The following ZSWIM5 variants were observed in gnomAD, a reference collection of about 807,000 sequenced individuals.
ZSWIM5 encodes zinc finger SWIM domain-containing protein 5.
ZSWIM5 carries 55 observed loss-of-function variants against 119.6 expected under a neutral mutation model. The observed-to-expected ratio is 0.46, with a 90% confidence interval of 0.37 to 0.58. The LOEUF (loss-of-function observed/expected upper bound fraction) is 0.58. ZSWIM5 is among the 20% of genes least tolerant of loss of function. The probability of loss-of-function intolerance (pLI) is 0.00; values close to 1 mark genes in which losing one functional copy is unlikely to be tolerated. For synonymous variants in ZSWIM5, 537 were observed against 606.9 expected (o/e 0.88, Z 1.69); for missense variants, 1,193 against 1,512.8 (o/e 0.79, Z 3.51).
chr1:45,058,237 G>T (rs772123350), intron 4 of ZSWIM5, among the ~76,000 whole-genome samples: 1 of 152,182 alleles, frequency 6.6e-6, no homozygotes, highest in Non-Finnish European at 1.5e-5. Context: ...ACTGCCCTAC[G>T]TCTTAAAGGT....
intron 1 of ZSWIM5, among the ~76,000 whole-genome samples, chr1:45,104,616 A>G (rs893016905): frequency 6.6e-6 from 1 of 152,232 alleles, no homozygotes; most frequent in Admixed American, 6.5e-5. Flanking sequence ...AGTGAGGAGC[A>G]GTATTGTTAT....
chr1:45,052,605 C>A (rs906618695), intron 4 of ZSWIM5, among the ~76,000 whole-genome samples: 1 of 151,520 alleles, frequency 6.6e-6, no homozygotes, highest in Non-Finnish European at 1.5e-5. Flanking sequence ...CCCTGTCTCT[C>A]CCAAAAATAC....
chr1:45,103,016 C>T (rs1190053587), intron 1 of ZSWIM5, among the ~76,000 whole-genome samples: 1 of 152,006 alleles, frequency 6.6e-6, no homozygotes, highest in African/African-American at 2.4e-5. Context: ...CATGCGCCAC[C>T]AATACCTGGC....
At chr1:45,054,750 T>C (rs1374872959) in intron 4 of ZSWIM5, among the ~76,000 whole-genome samples, 2 of 152,182 alleles carry the variant, frequency 1.3e-5, no homozygotes, top group African/African-American at 4.8e-5. Flanking sequence ...CTTTATCTCA[T>C]TCAGTCCTCT....
chr1:45,181,382 G>A (rs1293618974), intron 1 of ZSWIM5, among the ~76,000 whole-genome samples: 2 of 151,898 alleles, frequency 1.3e-5, no homozygotes, highest in African/African-American at 4.8e-5. Flanking sequence ...GAAGTTTAGA[G>A]AAAAAAGAAT....
intron 1 of ZSWIM5, among the ~76,000 whole-genome samples, chr1:45,194,711 A>G (rs1646112015): frequency 6.6e-6 from 1 of 152,068 alleles, no homozygotes; most frequent in Non-Finnish European, 1.5e-5. Flanking sequence ...CCCTGTTTCT[A>G]CTAAAAATAC....
intron 1 of ZSWIM5, among the ~76,000 whole-genome samples, chr1:45,105,323 C>A (rs1285386547): frequency 1.3e-5 from 2 of 152,260 alleles, no homozygotes; most frequent in Non-Finnish European, 2.9e-5. Flanking sequence ...CAGCCGCCTG[C>A]CTTGGCCTCC....
At chr1:45,036,569 G>A (rs1258422166) in intron 8 of ZSWIM5, among the ~76,000 whole-genome samples, 1 of 151,886 alleles carries the variant, frequency 6.6e-6, no homozygotes, top group Non-Finnish European at 1.5e-5. Context: ...TGGCCAGGCT[G>A]GACTCAAACT....
chr1:45,121,551 C>T (rs1645591905), intron 1 of ZSWIM5, among the ~76,000 whole-genome samples: 1 of 151,962 alleles, frequency 6.6e-6, no homozygotes, highest in African/African-American at 2.4e-5. Context: ...TCACCCCAAA[C>T]CTCTTTCTTT....
At chr1:45,065,670 C>T (rs1032105001) in intron 2 of ZSWIM5, among the ~76,000 whole-genome samples, 1 of 151,966 alleles carries the variant, frequency 6.6e-6, no homozygotes, top group African/African-American at 2.4e-5. Context: ...GTTTGCTGGC[C>T]TACAATGGAC....
intron 2 of ZSWIM5, among the ~76,000 whole-genome samples, chr1:45,074,073 G>A (rs1645241350): frequency 6.6e-6 from 1 of 151,820 alleles, no homozygotes; most frequent in South Asian, 2.1e-4. Context: ...TGCATCTCAG[G>A]GATAAATCCC....
At chr1:45,192,785 T>C (rs1433858315) in intron 1 of ZSWIM5, among the ~76,000 whole-genome samples, 4 of 152,206 alleles carry the variant, frequency 2.6e-5, no homozygotes, top group Admixed American at 2.6e-4. Flanking sequence ...TGGTTCCAAC[T>C]TCTCCACATC....
intron 5 of ZSWIM5, among the ~76,000 whole-genome samples, chr1:45,048,033 GTTTC>G (rs139548010): frequency 0.064 from 8,198 of 127,986 alleles, 391 homozygotes; most frequent in Non-Finnish European, 0.084. Flanking sequence ...TATTATGGTT[GTTTC>G]TTTCTTTCTT....
rs1383205382 is a variant in ZSWIM5, at chr1:45,180,499, G to T, written c.595+25257C>A. On this transcript the variant is annotated intron_variant, in intron 1 of 13. Transcript: ENST00000359600. ...TGCCTCTGTAGGCTCCACCTCTGGG[G>T]GCAGGGCACAGACAAACAAAAAGAC... Among the ~76,000 whole-genome samples, 3 of 152,162 alleles carry T rather than the reference G, an allele frequency of 2.0e-5. 1 individual carries two copies. Among genetic ancestry groups the T allele is most frequent in the Non-Finnish European group, 2.9e-5 (2 of 68,002 alleles).
intron 6 of ZSWIM5, 97 bp downstream of exon 6, chr1:45,043,122 T>C (rs1645025883): frequency 1.6e-6 from 2 of 1,231,018 alleles, no homozygotes; most frequent in Non-Finnish European, 2.3e-6. Context: ...ACTGTCCAAA[T>C]TGTAGTTTGA....
chr1:45,043,013 T>C (rs1349098056), intron 6 of ZSWIM5, among the ~76,000 whole-genome samples: 1 of 152,192 alleles, frequency 6.6e-6, no homozygotes, highest in Non-Finnish European at 1.5e-5. Context: ...GGATGCAAAT[T>C]CTTATTTGAG....
intron 1 of ZSWIM5, among the ~76,000 whole-genome samples, chr1:45,093,728 C>A (rs904203482): frequency 6.6e-6 from 1 of 152,132 alleles, no homozygotes; most frequent in Non-Finnish European, 1.5e-5. Flanking sequence ...TCTGATTACT[C>A]CTGAGAATAA....
intron 11 of ZSWIM5, among the ~76,000 whole-genome samples, chr1:45,024,024 C>G (rs956589243): frequency 2.6e-5 from 4 of 152,082 alleles, no homozygotes; most frequent in African/African-American, 7.2e-5. Flanking sequence ...TGAGGTGTCT[C>G]TCCAGATCTT....
chr1:45,117,325 C>A lies in ZSWIM5; in HGVS notation c.596-29088G>T, dbSNP rs554966046. On this transcript the variant is annotated intron_variant, in intron 1 of 13. Transcript: ENST00000359600. ...ATCAGATCATTCAGAATAGAGAAAT[C>A]AAATCCTATATAACTCTCCCTGGTT... Among the ~76,000 whole-genome samples the A allele has an allele frequency of 3.3e-5, 5 of 152,260 alleles. No homozygotes were observed. In the East Asian group the frequency reaches 9.7e-4, roughly 29 times the overall value.
Sources: gnomAD v4.1 joint callset for allele counts (sites outside exome capture counted in the v4.1 genomes callset) on GRCh38, gnomAD v4.1.1 for gene constraint, MANE v1.5 for transcripts, NCBI Gene and HGNC (gene_info 2026-07-23, HGNC 2026-07-21) for gene names.